The following THEMIS variants were observed in gnomAD, a reference collection of about 807,000 sequenced individuals.
The protein encoded by THEMIS is thymocyte selection associated, also known as protein THEMIS.
THEMIS carries 37 observed loss-of-function variants against 52.6 expected under a neutral mutation model. The observed-to-expected ratio is 0.70, with a 90% CI of 0.54 to 0.93. The LOEUF is 0.93. THEMIS is among the 40% of genes least tolerant of loss of function. THEMIS has a pLI of 0.00. For missense variants in THEMIS, 808 were observed against 763.1 expected (o/e 1.06, Z -0.69); for synonymous variants, 292 against 272.7 (o/e 1.07, Z -0.70).
chr6:127,706,728 G>C (rs2114437350), downstream of THEMIS, among the ~76,000 whole-genome samples: 1 of 152,150 alleles, frequency 6.6e-6, no homozygotes, highest in Non-Finnish European at 1.5e-5. Context: ...GTTTGAGATA[G>C]GGTGGCCAGA....
chr6:127,727,159 A>C lies in THEMIS; in HGVS notation c.1759-7336T>G, dbSNP rs1186224515. 2.0e-5 allele frequency among the ~76,000 whole-genome samples: 3 copies of C among 152,206 alleles called. No homozygotes were observed. In the East Asian group the frequency reaches 5.8e-4, roughly 29 times the overall value. On this transcript the variant is annotated intron_variant, in intron 4 of 5. Coordinates refer to ENST00000368248, the MANE Select transcript of THEMIS (RefSeq NM_001010923.3). Reference sequence around the variant, plus strand: ...CACTGGAGTAGCTCTTTGTGTAGAGATAAATCTTCTTCCTTATTTTGTCTT... The same window carrying C: ...CACTGGAGTAGCTCTTTGTGTAGAGCTAAATCTTCTTCCTTATTTTGTCTT...
chr6:127,702,341 G>A, the THEMIS span, among the ~76,000 whole-genome samples: 2 of 152,108 alleles, frequency 1.3e-5, no homozygotes, highest in South Asian at 2.1e-4. Context: ...CTTGAAATAT[G>A]CTGCTGTATT....
chr6:127,898,835 A>G (rs1480832090), intron 1 of THEMIS, among the ~76,000 whole-genome samples: 9 of 151,910 alleles, frequency 5.9e-5, no homozygotes, highest in Admixed American at 5.9e-4. Flanking sequence ...GATAGAACTG[A>G]AGGACATTAG....
chr6:127,759,851 C>T (rs998056079), intron 4 of THEMIS, among the ~76,000 whole-genome samples: 5 of 138,840 alleles, frequency 3.6e-5, no homozygotes, highest in Non-Finnish European at 6.3e-5. Context: ...TCCCTCCCTC[C>T]CTCCCTCCTT....
At chr6:127,905,735 C>T (rs753790669), upstream of THEMIS, among the ~76,000 whole-genome samples, 2 of 151,810 alleles carry the variant, frequency 1.3e-5, no homozygotes, top group Non-Finnish European at 2.9e-5. Context: ...AAGCATTAGC[C>T]TTCTAGAGAA....
At chr6:127,856,236 G>A (rs1779614719) in intron 1 of THEMIS, among the ~76,000 whole-genome samples, 1 of 151,956 alleles carries the variant, frequency 6.6e-6, no homozygotes, top group Non-Finnish European at 1.5e-5. Context: ...TATGTAGCAT[G>A]CACCTAGAAC....
chr6:127,728,095 A>G (rs1227995935), intron 4 of THEMIS, among the ~76,000 whole-genome samples: 10 of 152,134 alleles, frequency 6.6e-5, no homozygotes, highest in Non-Finnish European at 2.9e-5. Context: ...CAAACATGAC[A>G]TCAACAGACC....
intron 1 of THEMIS, among the ~76,000 whole-genome samples, chr6:127,911,540 T>C (rs1781411021): frequency 6.6e-6 from 1 of 151,394 alleles, no homozygotes; most frequent in Admixed American, 6.6e-5. Flanking sequence ...TTGATCACTG[T>C]ATACACACAC....
At chr6:127,840,893 A>C (rs1330329337) in intron 2 of THEMIS, among the ~76,000 whole-genome samples, 2 of 152,206 alleles carry the variant, frequency 1.3e-5, no homozygotes, top group East Asian at 3.9e-4. Flanking sequence ...CGCTCTGAAA[A>C]AGGCAAAATA....
intron 4 of THEMIS, among the ~76,000 whole-genome samples, chr6:127,727,447 C>T (rs1276410069): frequency 6.6e-6 from 1 of 152,120 alleles, no homozygotes; most frequent in Non-Finnish European, 1.5e-5. Flanking sequence ...TCCAGCAGGG[C>T]GACAGTTGCT....
At chr6:127,800,890 T>C (rs1777510004) in intron 4 of THEMIS, among the ~76,000 whole-genome samples, 1 of 152,218 alleles carries the variant, frequency 6.6e-6, no homozygotes, top group Admixed American at 6.5e-5. Flanking sequence ...ATTCCATTAG[T>C]TCTGTCCCTG....
chr6:127,814,064 ATG>A (rs1323787242), intron 3 of THEMIS, 133 bp from the exon 4 acceptor site: 2 of 783,738 alleles, frequency 2.6e-6, no homozygotes, highest in Non-Finnish European at 3.7e-6. Flanking sequence ...ATCATTTCTT[ATG>A]TGTGATTTTC....
chr6:127,894,575 G>A (rs998109734), intron 1 of THEMIS, among the ~76,000 whole-genome samples: 3 of 151,598 alleles, frequency 2.0e-5, no homozygotes, highest in East Asian at 1.9e-4. Context: ...CATGGCTGCC[G>A]ATTCAACATA....
chr6:127,878,251 C>A (rs546345110), intron 1 of THEMIS, among the ~76,000 whole-genome samples: 1 of 152,148 alleles, frequency 6.6e-6, no homozygotes, highest in African/African-American at 2.4e-5. Context: ...TATGCTCTAC[C>A]GTTCCAGCTC....
intron 1 of THEMIS, among the ~76,000 whole-genome samples, chr6:127,912,596 AC>A (rs1272159451): frequency 6.6e-6 from 1 of 152,144 alleles, no homozygotes; most frequent in Non-Finnish European, 1.5e-5. Context: ...ATTATTTTAG[AC>A]CCAGGGATGA....
chr6:127,787,855 A>C (rs1777013395), intron 4 of THEMIS, among the ~76,000 whole-genome samples: 1 of 45,264 alleles, frequency 2.2e-5, no homozygotes, highest in African/African-American at 8.7e-5. Flanking sequence ...ACAGATATAG[A>C]TAGATAGATA....
chr6:127,858,029 T>A (rs531593880), intron 1 of THEMIS, among the ~76,000 whole-genome samples: 14 of 152,090 alleles, frequency 9.2e-5, no homozygotes, highest in African/African-American at 3.4e-4. Context: ...TGGGCTTAAT[T>A]TCAGTGCACT....
the THEMIS span, among the ~76,000 whole-genome samples, chr6:127,696,674 C>T: frequency 1.3e-5 from 2 of 152,148 alleles, no homozygotes; most frequent in African/African-American, 4.8e-5. Context: ...GTTCTGGAGG[C>T]AAGGAGTCTG....
intron 4 of THEMIS, among the ~76,000 whole-genome samples, chr6:127,720,368 C>T (rs530811234): frequency 1.5e-4 from 23 of 151,856 alleles, no homozygotes; most frequent in Non-Finnish European, 2.8e-4. Flanking sequence ...TATTAAGGCA[C>T]AGCATCAATG....
Sources: allele counts gnomAD v4.1 joint callset (sites outside exome capture counted in the v4.1 genomes callset), GRCh38; gene constraint gnomAD v4.1.1; transcripts MANE v1.5; gene names NCBI Gene and HGNC (gene_info 2026-07-23, HGNC 2026-07-21).